SLC9A7: variants seen among roughly 807,000 people sequenced by gnomAD.
SLC9A7 encodes the protein sodium/hydrogen exchanger 7.
Under a neutral mutation model 52.6 loss-of-function variants are expected in SLC9A7, and 19 were observed. The observed-to-expected ratio is 0.36, with a 90% CI of 0.25 to 0.53. The LOEUF is 0.53. Ranked by LOEUF, SLC9A7 falls within the 20% of genes least tolerant of loss-of-function variation. SLC9A7 has a pLI of 0.91. For synonymous variants in SLC9A7, 226 were observed against 252.1 expected, an observed-to-expected ratio of 0.90 and a Z score of 0.98; for missense variants, 455 against 597.9, an observed-to-expected ratio of 0.76 and a Z score of 2.49.
intron 1 of SLC9A7, among the ~76,000 whole-genome samples, chrX:46,703,892 A>G (rs1460361730): frequency 5.3e-5 from 6 of 112,348 alleles, no homozygotes; most frequent in Non-Finnish European, 1.1e-4. Flanking sequence ...AAAATGTAAC[A>G]GTGGCTCTCT....
intron 1 of SLC9A7, among the ~76,000 whole-genome samples, chrX:46,703,570 C>T (rs762764037): frequency 1.8e-3 from 200 of 111,888 alleles, no homozygotes; most frequent in Non-Finnish European, 3.1e-3. Context: ...ATTTACAACC[C>T]TCAGCTCTGT....
intron 12 of SLC9A7, among the ~76,000 whole-genome samples, chrX:46,637,285 C>A (rs147263595): frequency 8.9e-6 from 1 of 111,840 alleles, no homozygotes; most frequent in Non-Finnish European, 1.9e-5. Flanking sequence ...TCAAGCTGCT[C>A]GTCTCCAGAG....
At chrX:46,654,437 T>C (rs1220215575) in intron 7 of SLC9A7, among the ~76,000 whole-genome samples, 1 of 111,323 alleles carries the variant, frequency 9.0e-6, no homozygotes, top group Non-Finnish European at 1.9e-5. Flanking sequence ...ATGGGTGACT[T>C]GTATGGTATA....
chrX:46,652,009 A>G (rs938011084), intron 8 of SLC9A7, among the ~76,000 whole-genome samples: 1 of 109,873 alleles, frequency 9.1e-6, no homozygotes, highest in African/African-American at 3.3e-5. Flanking sequence ...TGCCTCCTCT[A>G]AACTCCTCCA....
In SLC9A7 at chrX:46,706,078, G is replaced by C. The variant is rs142748606; in HGVS notation, c.326-23543C>G. On this transcript the variant is annotated intron_variant, in intron 1 of 16. Transcript: ENST00000616978. Reference sequence around the variant, plus strand: ...TAAAAAAAATCAACTGGGGAAATGCGAACTCACTGGATATTTGACAAATAT... The same window carrying C: ...TAAAAAAAATCAACTGGGGAAATGCCAACTCACTGGATATTTGACAAATAT... Among the ~76,000 whole-genome samples, 991 of 108,300 alleles carry C rather than the reference G, an allele frequency of 9.2e-3. 7 individuals carry two copies. Among genetic ancestry groups the C allele is most frequent in the African/African-American group, 0.031 (936 of 29,743 alleles). The allele number at this position is 108,300 out of a possible 115,157, so 94.0% of individuals were successfully genotyped here. A position where few individuals can be genotyped will look rare whatever the true frequency, so the allele number is the denominator to read the frequency against.
At chrX:46,716,465 C>G (rs1470800696) in intron 1 of SLC9A7, among the ~76,000 whole-genome samples, 1 of 111,774 alleles carries the variant, frequency 8.9e-6, no homozygotes, top group East Asian at 2.8e-4. Flanking sequence ...TCAGTAAGAC[C>G]AGAAGCTCTA....
At position 46,758,648 on chromosome X, in the gene SLC9A7, G is replaced by A. The variant is rs782406145; in HGVS notation, c.325+57C>T. 7.9e-5 allele frequency: 67 copies of A among 851,326 alleles called. No individual in the cohort carries two copies. In the East Asian group the frequency reaches 2.0e-3, roughly 25 times the overall value. 70.2% of individuals were successfully genotyped at this position (851,326 alleles called of 1,213,427 possible). A position where few individuals can be genotyped will look rare whatever the true frequency, so the allele number is the denominator to read the frequency against. ...GAAGGGGGAGCACCGCGCGGCGCCA[G>A]GAGGAGCGCGGCGGCCGAGGGGTGT... On this transcript the variant is annotated intron_variant, in intron 1 of 16. Coordinates refer to ENST00000616978, the MANE Select transcript of SLC9A7 (RefSeq NM_001257291.2).
intron 15 of SLC9A7, among the ~76,000 whole-genome samples, chrX:46,613,826 T>A (rs974658140): frequency 3.6e-5 from 4 of 111,691 alleles, no homozygotes; most frequent in African/African-American, 1.3e-4. Context: ...TGGATTCCTG[T>A]TAAACCACTC....
At chrX:46,663,606 C>A in intron 5 of SLC9A7, among the ~76,000 whole-genome samples, 1 of 95,994 alleles carries the variant, frequency 1.0e-5, no homozygotes, top group Non-Finnish European at 2.1e-5. Context: ...CCATTGCACT[C>A]CAGCCTGGGC....
At chrX:46,644,141 T>C (rs1943450677) in intron 11 of SLC9A7, among the ~76,000 whole-genome samples, 1 of 112,262 alleles carries the variant, frequency 8.9e-6, no homozygotes. Flanking sequence ...GTACAAATAT[T>C]CATCTGTATA....
chrX:46,718,069 A>C (rs1429041576), intron 1 of SLC9A7, among the ~76,000 whole-genome samples: 1 of 111,959 alleles, frequency 8.9e-6, no homozygotes, highest in African/African-American at 3.2e-5. Flanking sequence ...ACAGTAACCA[A>C]AACAGCAGGG....
At position 46,759,034 on chromosome X, in the gene SLC9A7, C is replaced by G. The variant is rs1428561362; in HGVS notation, c.-5G>C. On this transcript the variant is annotated 5_prime_UTR_variant, in exon 1 of 17. Transcript: ENST00000616978. ...CGCCGCGTCACCAGGCTCCATGGTCCCGGGGCCCCCCGCGCCTCCTCCGAG... is the reference window on the plus strand; with the variant it reads ...CGCCGCGTCACCAGGCTCCATGGTCGCGGGGCCCCCCGCGCCTCCTCCGAG... 1.2e-4 allele frequency: 110 copies of G among 923,556 alleles called. No individual in the cohort carries two copies. Among genetic ancestry groups the G allele is most frequent in the Non-Finnish European group, 1.2e-4 (93 of 748,799 alleles). The allele number at this position is 923,556 out of a possible 1,213,427, so 76.1% of individuals were successfully genotyped here.
chrX:46,610,735 G>C (rs993833021), intron 16 of SLC9A7, among the ~76,000 whole-genome samples: 2 of 112,044 alleles, frequency 1.8e-5, no homozygotes, highest in African/African-American at 6.5e-5. Context: ...AAGCAAACTT[G>C]GAGTGGTCCC....
chrX:46,680,464 T>C (rs1322933869), intron 2 of SLC9A7, among the ~76,000 whole-genome samples: 7 of 111,741 alleles, frequency 6.3e-5, no homozygotes, highest in Non-Finnish European at 7.5e-5. Flanking sequence ...GAATCCTTTA[T>C]AGACAAAATT....
In SLC9A7 at chrX:46,725,870, T is replaced by C. The variant is rs1046833238; in HGVS notation, c.325+32835A>G. On this transcript the variant is annotated intron_variant, in intron 1 of 16. Coordinates refer to ENST00000616978, the MANE Select transcript of SLC9A7 (RefSeq NM_001257291.2). ...CACTGGAGCAAAACCATAAACCACT[T>C]ATTTCTTATGAGGAAAAATGGGGAA... 8.6e-6 allele frequency: 4 copies of C among 467,481 alleles called. No homozygotes were observed. In the African/African-American group the frequency reaches 9.5e-5, roughly 11 times the overall value. The allele number at this position is 467,481 out of a possible 1,213,427, so 38.5% of individuals were successfully genotyped here. A position where few individuals can be genotyped will look rare whatever the true frequency, so the allele number is the denominator to read the frequency against.
chrX:46,661,117 C>T lies in SLC9A7; in HGVS notation c.1041+899G>A, dbSNP rs1422578399. 3.2e-3 allele frequency among the ~76,000 whole-genome samples: 349 copies of T among 108,698 alleles called. 3 individuals carry two copies. Among genetic ancestry groups the T allele is most frequent in the African/African-American group, 0.011 (333 of 29,775 alleles). 94.4% of individuals were successfully genotyped at this position (108,698 alleles called of 115,157 possible). A position where few individuals can be genotyped will look rare whatever the true frequency, so the allele number is the denominator to read the frequency against. ...AATCATCATTCTCAGTAAACTATCG[C>T]AAGAACAAAAAACCAAACGCTGCAT... On this transcript the variant is annotated intron_variant, in intron 7 of 16. Coordinates refer to ENST00000616978, the MANE Select transcript of SLC9A7 (RefSeq NM_001257291.2).
intron 1 of SLC9A7, among the ~76,000 whole-genome samples, chrX:46,686,917 A>C: frequency 8.9e-6 from 1 of 112,566 alleles, no homozygotes; most frequent in African/African-American, 3.2e-5. Flanking sequence ...AGGGGCAAAA[A>C]TTCGAGACTG....
chrX:46,618,904 A>T (rs1310105631), intron 15 of SLC9A7, among the ~76,000 whole-genome samples: 2 of 107,800 alleles, frequency 1.9e-5, no homozygotes, highest in African/African-American at 3.4e-5. Flanking sequence ...AGATCACACC[A>T]CTGCACTCCA....
intron 1 of SLC9A7, among the ~76,000 whole-genome samples, chrX:46,712,919 A>G (rs1170700827): frequency 1.8e-5 from 2 of 111,823 alleles, no homozygotes; most frequent in Non-Finnish European, 3.8e-5. Flanking sequence ...AAAATAGAAA[A>G]CGACAGTACT....
Sources: gnomAD v4.1 joint callset for allele counts (sites outside exome capture counted in the v4.1 genomes callset) on GRCh38, gnomAD v4.1.1 for gene constraint, MANE v1.5 for transcripts, NCBI Gene and HGNC (gene_info 2026-07-23, HGNC 2026-07-21) for gene names.